OXR1: variants seen among roughly 807,000 people sequenced by gnomAD.
OXR1 encodes the protein oxidation resistance protein 1.
In OXR1, 41 loss-of-function variants were observed where a neutral mutation model predicts 104.6. The observed-to-expected ratio is 0.39, with a 90% CI of 0.31 to 0.51. OXR1 has a LOEUF of 0.51. OXR1 is among the 20% of genes least tolerant of loss of function. The pLI is 0.77. For missense variants in OXR1, 955 were observed against 1,031.9 expected, an observed-to-expected ratio of 0.93 and a Z score of 1.02; for synonymous variants, 348 against 348.4, an observed-to-expected ratio of 1.00 and a Z score of 0.01.
At chr8:106,705,387 A>G (rs553125241) in intron 8 of OXR1, among the ~76,000 whole-genome samples, 11 of 152,206 alleles carry the variant, frequency 7.2e-5, no homozygotes, top group Non-Finnish European at 1.5e-4. Context: ...TATAGAAATT[A>G]TGCATACTTG....
intron 3 of OXR1, among the ~76,000 whole-genome samples, chr8:106,652,742 C>T (rs1363329760): frequency 6.6e-6 from 1 of 150,914 alleles, no homozygotes; most frequent in Admixed American, 6.6e-5. Flanking sequence ...ATACTAAACA[C>T]AAAACAAATA....
chr8:106,597,947 T>A (rs1463353413), intron 3 of OXR1, among the ~76,000 whole-genome samples: 1 of 152,220 alleles, frequency 6.6e-6, no homozygotes, highest in Non-Finnish European at 1.5e-5. Flanking sequence ...CACATACTAT[T>A]TTTTGTCACC....
intron 1 of OXR1, among the ~76,000 whole-genome samples, chr8:106,294,026 T>C (rs1486734580): frequency 1.4e-5 from 2 of 144,318 alleles, no homozygotes; most frequent in East Asian, 3.9e-4. Context: ...AAAACATTTT[T>C]TTTTAAAAAG....
intron 3 of OXR1, among the ~76,000 whole-genome samples, chr8:106,585,568 CA>C (rs1485674355): frequency 2.6e-5 from 4 of 152,046 alleles, no homozygotes; most frequent in Non-Finnish European, 5.9e-5. Context: ...TACATATCAG[CA>C]GAAGGCAAAA....
chr8:106,614,001 A>C (rs375485584), intron 3 of OXR1, among the ~76,000 whole-genome samples: 31 of 152,172 alleles, frequency 2.0e-4, no homozygotes, highest in African/African-American at 7.5e-4. Flanking sequence ...TGCAGAGTGC[A>C]TTTTGAGAAA....
chr8:106,714,610 A>G (rs950233145), intron 11 of OXR1, among the ~76,000 whole-genome samples: 2 of 152,076 alleles, frequency 1.3e-5, no homozygotes, highest in African/African-American at 4.8e-5. Context: ...CTCCTCTTAG[A>G]TATATCTTAA....
chr8:106,482,529 A>G (rs1288426186), intron 2 of OXR1, among the ~76,000 whole-genome samples: 3 of 152,074 alleles, frequency 2.0e-5, no homozygotes, highest in Non-Finnish European at 2.9e-5. Flanking sequence ...ATGGAGTTTA[A>G]AAAATACCTA....
chr8:106,726,175 CA>C, intron 11 of OXR1: 1 of 1,481,702 alleles, frequency 6.7e-7, no homozygotes, highest in Non-Finnish European at 8.9e-7. Context: ...TTATCTTTGA[CA>C]GAGGAAGAAT....
intron 2 of OXR1, among the ~76,000 whole-genome samples, chr8:106,497,927 T>C (rs1345290561): frequency 1.3e-5 from 2 of 152,144 alleles, no homozygotes; most frequent in African/African-American, 2.4e-5. Context: ...CCTGTTTTTT[T>C]CCCCATTCTT....
At chr8:106,744,582 A>G (rs1835220681) in intron 15 of OXR1, among the ~76,000 whole-genome samples, 1 of 152,260 alleles carries the variant, frequency 6.6e-6, no homozygotes, top group Admixed American at 6.5e-5. Flanking sequence ...ATTTGGATTT[A>G]AATAACAAGT....
intron 3 of OXR1, among the ~76,000 whole-genome samples, chr8:106,552,322 A>G (rs1420249005): frequency 6.6e-6 from 1 of 152,094 alleles, no homozygotes; most frequent in African/African-American, 2.4e-5. Flanking sequence ...GATGCTTTCT[A>G]TTATGAGTCT....
At chr8:106,363,039 T>C (rs1346785886) in intron 2 of OXR1, among the ~76,000 whole-genome samples, 2 of 152,228 alleles carry the variant, frequency 1.3e-5, no homozygotes, top group African/African-American at 4.8e-5. Context: ...CCCAAATCTG[T>C]TAAAGACTGG....
At chr8:106,530,362 A>G (rs576323776) in intron 3 of OXR1, among the ~76,000 whole-genome samples, 25 of 152,226 alleles carry the variant, frequency 1.6e-4, no homozygotes, top group African/African-American at 5.3e-4. Context: ...CAGTGGTACG[A>G]TCATAGCTCA....
chr8:106,532,963 A>G (rs1422940871), intron 3 of OXR1, among the ~76,000 whole-genome samples: 1 of 152,214 alleles, frequency 6.6e-6, no homozygotes, highest in African/African-American at 2.4e-5. Context: ...GTGTTGATAC[A>G]TTGCTATTAA....
intron 3 of OXR1, among the ~76,000 whole-genome samples, chr8:106,605,535 C>T (rs1820306055): frequency 6.6e-6 from 1 of 151,734 alleles, no homozygotes; most frequent in Non-Finnish European, 1.5e-5. Context: ...TGGCTCACAC[C>T]TGTAATTCCA....
intron 1 of OXR1, among the ~76,000 whole-genome samples, chr8:106,339,630 A>C (rs1308684025): frequency 2.0e-5 from 3 of 149,090 alleles, no homozygotes; most frequent in Non-Finnish European, 4.4e-5. Flanking sequence ...TTAGATATAC[A>C]TATTTAATAA....
intron 1 of OXR1, among the ~76,000 whole-genome samples, chr8:106,328,765 A>G (rs1319932080): frequency 6.6e-6 from 1 of 152,248 alleles, no homozygotes; most frequent in African/African-American, 2.4e-5. Flanking sequence ...CTTTCAGACC[A>G]ACACATTTAA....
chr8:106,725,374 A>T (rs1267756260), intron 11 of OXR1, among the ~76,000 whole-genome samples: 1 of 152,182 alleles, frequency 6.6e-6, no homozygotes, highest in African/African-American at 2.4e-5. Flanking sequence ...TTACCTTAAA[A>T]TGGAAGAAAT....
chr8:106,602,712 C>G (rs1820065968), intron 3 of OXR1, among the ~76,000 whole-genome samples: 1 of 151,982 alleles, frequency 6.6e-6, no homozygotes, highest in Admixed American at 6.6e-5. Flanking sequence ...TGTTGTATTA[C>G]ATATGATTAT....
Sources: gnomAD v4.1 joint callset for allele counts (sites outside exome capture counted in the v4.1 genomes callset) on GRCh38, gnomAD v4.1.1 for gene constraint, MANE v1.5 for transcripts, NCBI Gene and HGNC (gene_info 2026-07-23, HGNC 2026-07-21) for gene names.